AGBL4: variants seen among roughly 807,000 people sequenced by gnomAD.
AGBL4 encodes AGBL carboxypeptidase 4, also known as cytosolic carboxypeptidase 6.
AGBL4 carries 58 observed loss-of-function variants against 66.4 expected under a neutral mutation model. That is an observed-to-expected ratio of 0.87 (90% CI 0.71 to 1.09). The LOEUF (loss-of-function observed/expected upper bound fraction) is 1.09, where lower values mean the gene tolerates loss of function less well. Ranked by LOEUF, AGBL4 falls within the 50% of genes least tolerant of loss-of-function variation. AGBL4 has a pLI of 0.00. For synonymous variants in AGBL4, 234 were observed against 222.9 expected (o/e 1.05, Z -0.44); for missense variants, 579 against 631.0 (o/e 0.92, Z 0.88).
chr1:48,805,438 G>A (rs1343178224), intron 6 of AGBL4, among the ~76,000 whole-genome samples: 1 of 152,138 alleles, frequency 6.6e-6, no homozygotes, highest in Non-Finnish European at 1.5e-5. Context: ...CTGGTTTGGG[G>A]AATCTAAAAT....
rs1010143525 is a variant in AGBL4 at position 49,400,800 on chromosome 1, T to C, written c.283-154936A>G. Among the ~76,000 whole-genome samples the C allele has an allele frequency of 2.0e-5, 3 of 152,208 alleles. No individual in the cohort carries two copies. In the South Asian group the frequency reaches 6.2e-4, roughly 31 times the overall value. ...AGATTTTTTCCCAAATAAAATTGTA[T>C]CATTTGCAAACAAGAATAATTTGAC... On this transcript the variant is annotated intron_variant, in intron 3 of 13. Coordinates refer to ENST00000371839, the MANE Select transcript of AGBL4 (RefSeq NM_032785.4).
intron 4 of AGBL4, among the ~76,000 whole-genome samples, chr1:49,202,828 A>G (rs1647818339): frequency 6.6e-6 from 1 of 152,128 alleles, no homozygotes; most frequent in Non-Finnish European, 1.5e-5. Flanking sequence ...GGCAACCTAC[A>G]GAATGAGAGA....
At chr1:48,895,587 A>T (rs1045775480) in intron 5 of AGBL4, among the ~76,000 whole-genome samples, 1 of 152,218 alleles carries the variant, frequency 6.6e-6, no homozygotes, top group African/African-American at 2.4e-5. Flanking sequence ...ATAATCAATC[A>T]AGCGAGTTGA....
intron 5 of AGBL4, among the ~76,000 whole-genome samples, chr1:49,040,895 C>G (rs1643923630): frequency 6.6e-6 from 1 of 151,990 alleles, no homozygotes; most frequent in African/African-American, 2.4e-5. Context: ...ATAAAATTAT[C>G]CCCTTACAAT....
chr1:49,285,077 T>TCAG (rs1644372469), intron 3 of AGBL4, among the ~76,000 whole-genome samples: 1 of 151,952 alleles, frequency 6.6e-6, no homozygotes, highest in South Asian at 2.1e-4. Context: ...TACATTTTTT[T>TCAG]CAGCACACCA....
In AGBL4 at chr1:49,356,419, A is replaced by C. The variant is rs1644021108; in HGVS notation, c.283-110555T>G. On this transcript the variant is annotated intron_variant, in intron 3 of 13. Transcript: ENST00000371839. Reference sequence around the variant, plus strand: ...ATGCCCTGAAAACAAGTGACTGATTAGCTATGCTGATTTGTAGATGTGTTT... The same window carrying C: ...ATGCCCTGAAAACAAGTGACTGATTCGCTATGCTGATTTGTAGATGTGTTT... Among the ~76,000 whole-genome samples, 2 of 152,230 alleles carry C rather than the reference A, an allele frequency of 1.3e-5. 1 individual carries two copies. The highest frequency in any genetic ancestry group is 4.1e-4 in the South Asian group (2 of 4,834).
chr1:48,771,204 C>T (rs919570204), intron 6 of AGBL4, among the ~76,000 whole-genome samples: 6 of 152,138 alleles, frequency 3.9e-5, no homozygotes, highest in East Asian at 1.9e-4. Flanking sequence ...CTCCAGATTA[C>T]GAATGTTCTT....
intron 6 of AGBL4, among the ~76,000 whole-genome samples, chr1:48,842,115 T>G (rs1646818835): frequency 6.6e-6 from 1 of 152,196 alleles, no homozygotes; most frequent in Non-Finnish European, 1.5e-5. Context: ...CTATAAAATC[T>G]GGGAAGCAAC....
At chr1:49,648,634 T>C (rs984125554) in intron 3 of AGBL4, among the ~76,000 whole-genome samples, 1 of 151,964 alleles carries the variant, frequency 6.6e-6, no homozygotes, top group African/African-American at 2.4e-5. Flanking sequence ...TAACACCTTA[T>C]CTAGGGGTAA....
chr1:48,855,167 C>G (rs934472707), intron 6 of AGBL4, among the ~76,000 whole-genome samples: 1 of 152,178 alleles, frequency 6.6e-6, no homozygotes, highest in African/African-American at 2.4e-5. Context: ...CAGTTCTTTC[C>G]TGACCTGATC....
intron 5 of AGBL4, among the ~76,000 whole-genome samples, chr1:48,956,100 C>T (rs1351245162): frequency 6.6e-6 from 1 of 152,226 alleles, no homozygotes; most frequent in African/African-American, 2.4e-5. Flanking sequence ...TCCTTCTTTT[C>T]CAAGGCCTTT....
At chr1:48,840,703 T>C (rs1646778340) in intron 6 of AGBL4, among the ~76,000 whole-genome samples, 1 of 152,188 alleles carries the variant, frequency 6.6e-6, no homozygotes. Context: ...GTACAGCTTC[T>C]TAAAAGGTTA....
chr1:48,960,315 G>T (rs1331184007), intron 5 of AGBL4, among the ~76,000 whole-genome samples: 1 of 152,138 alleles, frequency 6.6e-6, no homozygotes, highest in Non-Finnish European at 1.5e-5. Context: ...GAAGTGGTTT[G>T]GGGGATTAGA....
At chr1:48,763,559 G>A (rs1254129442) in intron 6 of AGBL4, among the ~76,000 whole-genome samples, 1 of 152,076 alleles carries the variant, frequency 6.6e-6, no homozygotes, top group Non-Finnish European at 1.5e-5. Context: ...ATTTCTGAAT[G>A]TGTTGGGGCA....
intron 6 of AGBL4, among the ~76,000 whole-genome samples, chr1:48,710,728 T>C (rs1042585175): frequency 1.3e-5 from 2 of 152,192 alleles, no homozygotes; most frequent in Non-Finnish European, 1.5e-5. Flanking sequence ...CTGTTCAACA[T>C]GCTTTCATAC....
intron 1 of AGBL4, among the ~76,000 whole-genome samples, chr1:49,856,332 A>T (rs1392943916): frequency 6.6e-6 from 1 of 152,090 alleles, no homozygotes; most frequent in Admixed American, 6.5e-5. Context: ...ACCAATATCA[A>T]TTCTCAAACT....
At chr1:48,930,872 A>C (rs1380585766) in intron 5 of AGBL4, among the ~76,000 whole-genome samples, 1 of 152,220 alleles carries the variant, frequency 6.6e-6, no homozygotes, top group East Asian at 1.9e-4. Flanking sequence ...TGGGTCCTGC[A>C]GGCACTATGG....
chr1:48,828,287 TACC>T (rs1646475934), intron 6 of AGBL4, among the ~76,000 whole-genome samples: 1 of 152,010 alleles, frequency 6.6e-6, no homozygotes, highest in Non-Finnish European at 1.5e-5. Flanking sequence ...ACTCCCCTCC[TACC>T]ACCATAGAGG....
intron 1 of AGBL4, among the ~76,000 whole-genome samples, chr1:49,953,456 A>G (rs1656329188): frequency 6.6e-6 from 1 of 151,970 alleles, no homozygotes; most frequent in African/African-American, 2.4e-5. Context: ...TTTACTAATA[A>G]ATATATCTCC....
Sources: allele counts gnomAD v4.1 joint callset (sites outside exome capture counted in the v4.1 genomes callset), GRCh38; gene constraint gnomAD v4.1.1; transcripts MANE v1.5; gene names NCBI Gene and HGNC (gene_info 2026-07-23, HGNC 2026-07-21).